Variants in APOO observed in about 807,000 individuals in gnomAD.
APOO encodes MICOS complex subunit MIC26.
APOO carries 11 observed loss-of-function variants against 23.1 expected under a neutral mutation model. That is an observed-to-expected ratio of 0.48 (90% CI 0.30 to 0.79). The LOEUF is 0.79. Ranked by LOEUF, APOO falls within the 30% of genes least tolerant of loss-of-function variation. APOO has a pLI of 0.07. For missense variants in APOO, 160 were observed against 142.7 expected, an observed-to-expected ratio of 1.12 and a Z score of -0.62; for synonymous variants, 59 against 54.8, an observed-to-expected ratio of 1.08 and a Z score of -0.34.
chrX:23,848,197 C>T (rs1350221764), intron 7 of APOO, among the ~76,000 whole-genome samples: 1 of 104,743 alleles, frequency 9.5e-6, no homozygotes, highest in Non-Finnish European at 2.0e-5. Context: ...CAAAATCTCA[C>T]TCTGTCGCCC....
At chrX:23,859,313 T>C (rs1233725271) in intron 5 of APOO, among the ~76,000 whole-genome samples, 5 of 111,874 alleles carry the variant, frequency 4.5e-5, no homozygotes, top group Non-Finnish European at 5.6e-5. Context: ...TCATTACAAT[T>C]AACTTTAGAG....
In APOO at chrX:23,880,949, T is replaced by C; in HGVS notation, c.13A>G (p.Ile5Val). 4 of 1,165,365 alleles carry C rather than the reference T, an allele frequency of 3.4e-6. No homozygotes were observed. The highest frequency in any genetic ancestry group is 2.4e-4 in the Middle Eastern group (1 of 4,173). ...CTGGCTGGCCCCACGGACCTCTGAA[T>C]TACCTGAAATGCAGAAGCAATCTTA... MFKV[I>V]QRSVGPASLS... The change falls in exon 2 of 9, where the codon ATT becomes GTT. Residue 5 changes from isoleucine (I) to valine (V), a missense_variant. Coordinates refer to ENST00000379226, the MANE Select transcript of APOO (RefSeq NM_024122.5).
intron 7 of APOO, among the ~76,000 whole-genome samples, chrX:23,845,361 ATACTT>A (rs1219195847): frequency 8.9e-6 from 1 of 112,219 alleles, no homozygotes; most frequent in African/African-American, 3.2e-5. Context: ...AGTGGTAAGA[ATACTT>A]AACATGACAT....
intron 1 of APOO, 148 bp downstream of exon 1, chrX:23,907,546 C>A: frequency 1.6e-6 from 1 of 609,649 alleles, no homozygotes; most frequent in Non-Finnish European, 2.3e-6. Flanking sequence ...GTGAATGAAC[C>A]GCGGGGCCGG....
At chrX:23,839,916 T>C (rs1305590911) in intron 8 of APOO, 2 of 112,578 alleles carry the variant, frequency 1.8e-5, no homozygotes, top group Non-Finnish European at 3.7e-5. Context: ...TTTTCATATA[T>C]ACACAAACAA....
chrX:23,892,755 G>A (rs1172912044), intron 1 of APOO, among the ~76,000 whole-genome samples: 2 of 103,152 alleles, frequency 1.9e-5, no homozygotes, highest in Non-Finnish European at 4.0e-5. Context: ...GCGACAGAGC[G>A]GGACTCCGTC....
chrX:23,861,892 C>T (rs1307543935), intron 5 of APOO, among the ~76,000 whole-genome samples: 1 of 105,595 alleles, frequency 9.5e-6, no homozygotes. Context: ...CAACCTCTGC[C>T]TCCTGGGTTC....
chrX:23,876,386 C>G (rs1411367118), intron 3 of APOO, among the ~76,000 whole-genome samples: 2 of 97,327 alleles, frequency 2.1e-5, no homozygotes, highest in Admixed American at 1.2e-4. Flanking sequence ...AGTTCGAGAT[C>G]AGCCCGGGCA....
chrX:23,843,046 A>C (rs931051811), intron 7 of APOO, among the ~76,000 whole-genome samples: 11 of 111,779 alleles, frequency 9.8e-5, no homozygotes, highest in African/African-American at 3.6e-4. Context: ...AAAACAAGTT[A>C]GTTCTCTACT....
chrX:23,896,405 C>CAAATA (rs1926908485), intron 1 of APOO, among the ~76,000 whole-genome samples: 1 of 111,745 alleles, frequency 8.9e-6, no homozygotes. Flanking sequence ...AAATGGCTAG[C>CAAATA]TCCTGAGGAT....
At chrX:23,862,001 C>A (rs998925151) in intron 5 of APOO, among the ~76,000 whole-genome samples, 20 of 109,159 alleles carry the variant, frequency 1.8e-4, no homozygotes, top group African/African-American at 6.0e-4. Flanking sequence ...ATGGGGTTTT[C>A]CCATGTTGGC....
At chrX:23,898,263 T>C (rs1024578289) in intron 1 of APOO, among the ~76,000 whole-genome samples, 23 of 109,177 alleles carry the variant, frequency 2.1e-4, no homozygotes, top group Admixed American at 1.6e-3. Flanking sequence ...CATACCTGGC[T>C]AATTTTTGCA....
At chrX:23,897,084 T>C (rs896680024) in intron 1 of APOO, among the ~76,000 whole-genome samples, 1 of 112,029 alleles carries the variant, frequency 8.9e-6, no homozygotes, top group African/African-American at 3.2e-5. Flanking sequence ...GTAAACAGAC[T>C]ACAATCTAAA....
intron 1 of APOO, among the ~76,000 whole-genome samples, chrX:23,892,562 A>G (rs1392042684): frequency 1.8e-5 from 2 of 109,687 alleles, no homozygotes; most frequent in South Asian, 3.9e-4. Flanking sequence ...GAGGTCAGGA[A>G]ATCGAGACCA....
At chrX:23,838,357 C>CAAAAAAAAAA in intron 8 of APOO, among the ~76,000 whole-genome samples, 1 of 20,065 alleles carries the variant, frequency 5.0e-5, no homozygotes, top group Non-Finnish European at 7.1e-5. Context: ...AACTCTATCT[C>CAAAAAAAAAA]AAAAAAAAAA....
chrX:23,866,303 G>A (rs746659262), intron 5 of APOO, among the ~76,000 whole-genome samples: 1 of 111,980 alleles, frequency 8.9e-6, no homozygotes, highest in Non-Finnish European at 1.9e-5. Context: ...TGAGGTGAAA[G>A]AAGTTTAGGG....
chrX:23,859,737 C>T lies in APOO; in HGVS notation c.389-1004G>A, dbSNP rs191556700. 1.8e-3 allele frequency among the ~76,000 whole-genome samples: 202 copies of T among 112,100 alleles called. 1 individual carries two copies. Among genetic ancestry groups the T allele is most frequent in the Non-Finnish European group, 3.4e-3 (179 of 53,223 alleles). On this transcript the variant is annotated intron_variant, in intron 5 of 8. Transcript: ENST00000379226. ...GGATTACAGGTGTAAGCCGCTGCGC[C>T]CGGCCCTCTGGGTATTTCATATAAA... is the stretch of plus-strand genomic sequence containing the variant.
intron 1 of APOO, among the ~76,000 whole-genome samples, chrX:23,898,177 C>T (rs1382214444): frequency 9.2e-6 from 1 of 108,540 alleles, no homozygotes; most frequent in Non-Finnish European, 1.9e-5. Context: ...CAGCTCAATG[C>T]AGCCTCAACC....
intron 3 of APOO, among the ~76,000 whole-genome samples, chrX:23,875,975 A>T (rs1463567018): frequency 1.8e-5 from 2 of 109,978 alleles, no homozygotes; most frequent in Non-Finnish European, 3.8e-5. Context: ...AAAAAATAAA[A>T]ATATTAGGCT....
Sources: gnomAD v4.1 joint callset for allele counts (sites outside exome capture counted in the v4.1 genomes callset) on GRCh38, gnomAD v4.1.1 for gene constraint, MANE v1.5 for transcripts, NCBI Gene and HGNC (gene_info 2026-07-23, HGNC 2026-07-21) for gene names.